Variants in STARD13 observed in about 807,000 individuals in gnomAD.
STARD13 encodes stAR-related lipid transfer protein 13.
Under a neutral mutation model 106.4 loss-of-function variants are expected in STARD13, and 62 were observed. The observed-to-expected ratio is 0.58, with a 90% CI of 0.48 to 0.72. STARD13 has a LOEUF of 0.72. Ranked by LOEUF, STARD13 falls within the 30% of genes least tolerant of loss-of-function variation. The pLI is 0.00. For missense variants in STARD13, 1,387 were observed against 1,424.0 expected (o/e 0.97, Z 0.42); for synonymous variants, 565 against 553.0 (o/e 1.02, Z -0.31).
chr13:33,467,829 C>CT, the STARD13 span, among the ~76,000 whole-genome samples: 3 of 152,188 alleles, frequency 2.0e-5, no homozygotes, highest in Admixed American at 1.3e-4. Flanking sequence ...CCCAGGTTTG[C>CT]TTTAAGGACA....
chr13:33,438,589 G>A, the STARD13 span, among the ~76,000 whole-genome samples: 6 of 152,150 alleles, frequency 3.9e-5, no homozygotes, highest in African/African-American at 1.4e-4. Context: ...GTTGTTTAGT[G>A]GGAGAGCTGA....
chr13:33,593,157 T>C, the STARD13 span, among the ~76,000 whole-genome samples: 1 of 152,058 alleles, frequency 6.6e-6, no homozygotes, highest in Non-Finnish European at 1.5e-5. Context: ...ATGTGGAAGA[T>C]GTTTACTTTT....
the STARD13 span, among the ~76,000 whole-genome samples, chr13:33,484,252 A>G: frequency 6.6e-6 from 1 of 152,212 alleles, no homozygotes; most frequent in Admixed American, 6.5e-5. Flanking sequence ...TTATAAAACT[A>G]AAACATGGTC....
At chr13:33,163,603 A>T (rs7328791) in intron 3 of STARD13, among the ~76,000 whole-genome samples, 2,308 of 126,664 alleles carry the variant, frequency 0.018, 120 homozygotes, top group African/African-American at 0.069. Flanking sequence ...AAAAAAAAAA[A>T]AAATATATAT....
At chr13:33,184,090 C>T (rs2138467897) in intron 1 of STARD13, among the ~76,000 whole-genome samples, 1 of 152,294 alleles carries the variant, frequency 6.6e-6, no homozygotes, top group South Asian at 2.1e-4. Flanking sequence ...CTACTTTAAA[C>T]TTCTCCTTCC....
chr13:33,454,016 G>A, the STARD13 span, among the ~76,000 whole-genome samples: 3 of 152,234 alleles, frequency 2.0e-5, no homozygotes, highest in Admixed American at 2.0e-4. Context: ...TTGTGTGTGT[G>A]TGTTTACTTA....
chr13:33,532,796 G>A, the STARD13 span, among the ~76,000 whole-genome samples: 1 of 152,206 alleles, frequency 6.6e-6, no homozygotes, highest in African/African-American at 2.4e-5. Flanking sequence ...CATACCTGGT[G>A]TCTGATTCCG....
chr13:33,203,319 A>G (rs1412045782), intron 1 of STARD13, among the ~76,000 whole-genome samples: 1 of 152,230 alleles, frequency 6.6e-6, no homozygotes, highest in Non-Finnish European at 1.5e-5. Context: ...TTTAAAATGA[A>G]AACACAGTAA....
the STARD13 span, among the ~76,000 whole-genome samples, chr13:33,421,629 A>G: frequency 6.6e-6 from 1 of 152,208 alleles, no homozygotes. Context: ...ACAGCCTGGC[A>G]GAGACACAAC....
the STARD13 span, among the ~76,000 whole-genome samples, chr13:33,507,454 T>C: frequency 6.6e-6 from 1 of 152,186 alleles, no homozygotes; most frequent in East Asian, 1.9e-4. Flanking sequence ...AAAGTAAACA[T>C]TATATTAAGG....
the STARD13 span, among the ~76,000 whole-genome samples, chr13:33,412,776 A>G: frequency 2.6e-5 from 4 of 152,224 alleles, no homozygotes; most frequent in African/African-American, 4.8e-5. Flanking sequence ...TCTTAAATGC[A>G]TATGTGTCAA....
intron 1 of STARD13, among the ~76,000 whole-genome samples, chr13:33,207,531 G>A (rs1887487699): frequency 6.6e-6 from 1 of 152,186 alleles, no homozygotes; most frequent in South Asian, 2.1e-4. Context: ...TCTCAACCTT[G>A]TAGGGATTTG....
intron 1 of STARD13, among the ~76,000 whole-genome samples, chr13:33,181,423 G>C (rs1885225243): frequency 6.6e-6 from 1 of 152,174 alleles, no homozygotes; most frequent in South Asian, 2.1e-4. Flanking sequence ...TTGGAAACCA[G>C]ATTGCATCTT....
chr13:33,129,952 T>A lies in STARD13; in HGVS notation c.725A>T (p.His242Leu), dbSNP rs915613128. Reference sequence around the variant, plus strand: ...CTTCTCATTCTTGGGGTGGAAGGGGTGGTTGAGGACATCTCTGGGGGGCTG... The same window carrying A: ...CTTCTCATTCTTGGGGTGGAAGGGGAGGTTGAGGACATCTCTGGGGGGCTG... ...LPQPPRDVLN[H>L]PFHPKNEKPT... Residue 242 changes from histidine (H) to leucine (L), a missense_variant, in exon 5 of 14, where the codon CAC (histidine) becomes CTC (leucine). By Grantham distance (99) the His-to-Leu change is moderately conservative. Transcript: ENST00000336934. The A allele has an allele frequency of 7.4e-6, 12 of 1,612,846 alleles. No individual in the cohort carries two copies. The African/African-American group carries it at 1.1e-4, about 14-fold the overall frequency.
At chr13:33,142,609 TAA>T (rs1319068197) in intron 3 of STARD13, among the ~76,000 whole-genome samples, 1 of 152,194 alleles carries the variant, frequency 6.6e-6, no homozygotes, top group Non-Finnish European at 1.5e-5. Context: ...TTCCCTAATC[TAA>T]ACCCAGCCCT....
chr13:33,648,258 G>A, the STARD13 span, among the ~76,000 whole-genome samples: 41 of 152,314 alleles, frequency 2.7e-4, no homozygotes, highest in African/African-American at 8.9e-4. Context: ...TGTGGAAACT[G>A]AGTCTCAGAG....
chr13:33,615,409 T>TA, the STARD13 span, among the ~76,000 whole-genome samples: 1 of 152,336 alleles, frequency 6.6e-6, no homozygotes, highest in East Asian at 1.9e-4. Flanking sequence ...TTTTTAAACT[T>TA]AAAGATCCAC....
chr13:33,283,810 T>C (rs1891923281), intron 1 of STARD13, among the ~76,000 whole-genome samples: 1 of 152,216 alleles, frequency 6.6e-6, no homozygotes, highest in African/African-American at 2.4e-5. Flanking sequence ...AGTGCATGTG[T>C]TCACAACTTC....
rs1388766732 is a variant in STARD13 at position 33,130,795 on chromosome 13, T to C, written c.388-506A>G. On this transcript the variant is annotated intron_variant, in intron 4 of 13. Transcript: ENST00000336934. The surrounding 1 kb of genome is among the most constrained non-coding windows in gnomAD (Gnocchi z 4.1). ...ATCTCAAAGCTAACACTCCTTATTT[T>C]AGTCCCCTGCACTTGATTCTTATCG... 6.6e-6 allele frequency among the ~76,000 whole-genome samples: 1 copy of C among 152,212 alleles called. No individual in the cohort carries two copies. Among genetic ancestry groups the C allele is most frequent in the East Asian group, 1.9e-4 (1 of 5,194 alleles).
Sources: gnomAD v4.1 joint callset for allele counts (sites outside exome capture counted in the v4.1 genomes callset) on GRCh38, gnomAD v4.1.1 for gene constraint, Gnocchi (gnomAD v3.1) non-coding constraint, MANE v1.5 for transcripts, NCBI Gene and HGNC (gene_info 2026-07-23, HGNC 2026-07-21) for gene names.